The following PABPC5 variants were observed in gnomAD, a reference collection of about 807,000 sequenced individuals.
The protein encoded by PABPC5 is polyadenylate-binding protein 5.
A neutral mutation model predicts 12.6 loss-of-function variants in PABPC5; 6 were observed. That is an observed-to-expected ratio of 0.48 (90% CI 0.26 to 0.94). PABPC5 has a LOEUF of 0.94. Among genes scored for constraint, PABPC5 ranks in the 40% least tolerant of loss-of-function variants. PABPC5 has a pLI of 0.14. For missense variants in PABPC5, 244 were observed against 302.8 expected, an observed-to-expected ratio of 0.81 and a Z score of 1.44; for synonymous variants, 124 against 118.4, an observed-to-expected ratio of 1.05 and a Z score of -0.31.
chrX:91,435,566 G>C lies in PABPC5; in HGVS notation c.-12G>C, dbSNP rs1931583644. On this transcript the variant is annotated 5_prime_UTR_variant, in exon 2 of 2. Coordinates refer to ENST00000312600, the MANE Select transcript of PABPC5 (RefSeq NM_080832.3). ...TCTCTTCAAAGAGAACCTCCTCCCA[G>C]TGCTCAGAGAGATGGGGAGCGGGGA... 8 of 1,189,509 alleles carry C rather than the reference G, an allele frequency of 6.7e-6. No homozygotes were observed. The Middle Eastern group carries it at 7.1e-4, about 106-fold the overall frequency.
intron 1 of PABPC5, 91 bp downstream of exon 1, chrX:91,434,985 C>T: frequency 8.9e-6 from 1 of 112,262 alleles, no homozygotes; most frequent in Non-Finnish European, 1.9e-5. Context: ...CTATCCGCTG[C>T]CTGCAGCCTG....
intron 1 of PABPC5, among the ~76,000 whole-genome samples, 196 bp from the exon 2 acceptor site, chrX:91,435,239 T>G (rs1931577595): frequency 8.9e-6 from 1 of 111,985 alleles, no homozygotes; most frequent in African/African-American, 3.3e-5. Context: ...AGCCAGCTGC[T>G]TGGTGGCTTC....
At position 91,436,120 on chromosome X, in the gene PABPC5, A is replaced by T; in HGVS notation, c.543A>T (p.Lys181Asn). ...NNRQVYVGRFKFPEERAAEVR... is the reference protein window; with the variant it reads ...NNRQVYVGRFNFPEERAAEVR... ...GCCAGGTGTATGTTGGCAGATTCAAATTCCCAGAAGAGCGGGCGGCTGAGG... is the reference window on the plus strand; with the variant it reads ...GCCAGGTGTATGTTGGCAGATTCAATTTCCCAGAAGAGCGGGCGGCTGAGG... The change falls in exon 2 of 2, where the codon AAA (lysine) becomes AAT (asparagine). Residue 181 changes from lysine to asparagine, a missense_variant. By Grantham distance (94) the Lys-to-Asn change is moderately conservative (BLOSUM62 0). Coordinates refer to ENST00000312600, the MANE Select transcript of PABPC5 (RefSeq NM_080832.3). The T allele has an allele frequency of 1.7e-6, 2 of 1,211,933 alleles. No individual in the cohort carries two copies. The highest frequency in any genetic ancestry group is 2.2e-6 in the Non-Finnish European group (2 of 895,606).
chrX:91,436,469 CG>C lies in PABPC5; in HGVS notation c.894del (p.Pro300GlnfsTer19). ...FERLRLKEKS[R>X]PPGVPIYIKN... is the part of the protein sequence containing the mutation. ...ACGGCTGAGGTTAAAAGAAAAAAGT[CG>C]GCCCCCAGGGGTGCCTATCTATATT... On this transcript the variant is annotated frameshift_variant, in exon 2 of 2. Coordinates refer to ENST00000312600, the MANE Select transcript of PABPC5 (RefSeq NM_080832.3). LOFTEE classifies it high-confidence loss of function. The C allele has an allele frequency of 1.7e-6, 2 of 1,211,589 alleles. No homozygotes were observed. The highest frequency in any genetic ancestry group is 2.2e-5 in the Admixed American group (1 of 46,033).
At position 91,435,943 on chromosome X, in the gene PABPC5, G is replaced by A; in HGVS notation, c.366G>A (p.Leu122=). 2.5e-6 allele frequency: 3 copies of A among 1,211,653 alleles called. No homozygotes were observed. The highest frequency in any genetic ancestry group is 3.4e-6 in the Non-Finnish European group (3 of 895,365). The change falls in exon 2 of 2, where the codon CTG becomes CTA. Residue 122 remains leucine (L), a synonymous_variant. Coordinates refer to ENST00000312600, the MANE Select transcript of PABPC5 (RefSeq NM_080832.3). ...NLDKSIDNRA[L]FYLFSAFGNI... is the part of the protein sequence containing the mutation. ...ACAAATCCATAGACAATAGGGCCCTGTTTTACTTATTTTCTGCTTTTGGGA... is the reference window on the plus strand; with the variant it reads ...ACAAATCCATAGACAATAGGGCCCTATTTTACTTATTTTCTGCTTTTGGGA...
Position 91,436,215 on chromosome X carries a change from A to C in PABPC5, c.638A>C (p.Glu213Ala). ...VKNIGDDIDD[E>A]KLKELFCEYG... ...AACATTGGAGACGACATAGATGACG[A>C]AAAACTGAAGGAACTTTTCTGTGAA... The change falls in exon 2 of 2, where the codon GAA becomes GCA. Residue 213 changes from glutamate to alanine, a missense_variant. Transcript: ENST00000312600. 1 of 1,211,901 alleles carries C rather than the reference A, an allele frequency of 8.3e-7. No individual in the cohort carries two copies. The highest frequency in any genetic ancestry group is 3.0e-5 in the East Asian group (1 of 33,835).
chrX:91,436,124 C>G lies in PABPC5; in HGVS notation c.547C>G (p.Pro183Ala). 1.7e-6 allele frequency: 2 copies of G among 1,211,557 alleles called. No homozygotes were observed. The highest frequency in any genetic ancestry group is 2.2e-6 in the Non-Finnish European group (2 of 895,505). The stretch of plus-strand genomic sequence containing the variant: ...GGTGTATGTTGGCAGATTCAAATTC[C>G]CAGAAGAGCGGGCGGCTGAGGTCAG... ...RQVYVGRFKF[P>A]EERAAEVRTR... The change falls in exon 2 of 2, where the codon CCA (proline) becomes GCA (alanine). Residue 183 changes from proline to alanine, a missense_variant. Coordinates refer to ENST00000312600, the MANE Select transcript of PABPC5 (RefSeq NM_080832.3).
At position 91,438,475 on chromosome X, in the gene PABPC5, CACAA is replaced by C. The variant is rs1931636891; in HGVS notation, c.*1753_*1756del. On this transcript the variant is annotated 3_prime_UTR_variant, in exon 2 of 2. Transcript: ENST00000312600. ...CTTTTCATAATTTTTCCTACGTATA[CACAA>C]ACATTTTGACCAAAAATCCACACTA... The C allele has an allele frequency of 8.2e-6, 1 of 122,539 alleles. No homozygotes were observed. Among genetic ancestry groups the C allele is most frequent in the African/African-American group, 3.2e-5 (1 of 30,770 alleles). The allele number at this position is 122,539 out of a possible 1,213,427, so 10.1% of individuals were successfully genotyped here. A position where few individuals can be genotyped will look rare whatever the true frequency, so the allele number is the denominator to read the frequency against.
chrX:91,435,502 C>A lies in PABPC5; in HGVS notation c.-76C>A. 1.0e-6 allele frequency: 1 copy of A among 983,415 alleles called. No homozygotes were observed. The highest frequency in any genetic ancestry group is 1.4e-6 in the Non-Finnish European group (1 of 726,468). 81.0% of individuals were successfully genotyped at this position (983,415 alleles called of 1,213,427 possible). ...TGCCTTGGCTTTTTCTGTTCGTGAACAGCTGTTTGGCCCATAGCTTAGAGA... is the reference window on the plus strand; with the variant it reads ...TGCCTTGGCTTTTTCTGTTCGTGAAAAGCTGTTTGGCCCATAGCTTAGAGA... On this transcript the variant is annotated 5_prime_UTR_variant, in exon 2 of 2. Transcript: ENST00000312600.
rs781301174 is a variant in PABPC5, at chrX:91,436,369, C to A, written c.792C>A (p.Ile264=). 1 of 1,211,339 alleles carries A rather than the reference C, an allele frequency of 8.3e-7. No homozygotes were observed. Among genetic ancestry groups the A allele is most frequent in the East Asian group, 3.0e-5 (1 of 33,820 alleles). The change falls in exon 2 of 2, where the codon ATC becomes ATA. Residue 264 remains isoleucine, a synonymous_variant. Coordinates refer to ENST00000312600, the MANE Select transcript of PABPC5 (RefSeq NM_080832.3). The part of the protein sequence containing the change: ...KAVLDLHGKS[I]DGKVLYVGRA... ...TGCTAGACTTGCATGGAAAGTCCAT[C>A]GATGGAAAAGTCCTCTATGTAGGGC...
At chrX:91,435,166 G>A (rs1399244275) in intron 1 of PABPC5, among the ~76,000 whole-genome samples, 1 of 111,625 alleles carries the variant, frequency 9.0e-6, no homozygotes, top group Non-Finnish European at 1.9e-5. Context: ...GGAGCTCTAG[G>A]CCTATATTTA....
At position 91,435,907 on chromosome X, in the gene PABPC5, C is replaced by A. The variant is rs1328719540; in HGVS notation, c.330C>A (p.Ile110=). 4.3e-5 allele frequency: 52 copies of A among 1,209,918 alleles called. No homozygotes were observed. The highest frequency in any genetic ancestry group is 5.4e-5 in the Non-Finnish European group (48 of 894,880). Residue 110 remains isoleucine, a synonymous_variant, in exon 2 of 2, where the codon ATC becomes ATA. Transcript: ENST00000312600. Reference sequence around the variant, plus strand: ...AGTCTGGAGTGGGAAATATATTCATCAAAAACCTGGACAAATCCATAGACA... The same window carrying A: ...AGTCTGGAGTGGGAAATATATTCATAAAAAACCTGGACAAATCCATAGACA... The part of the protein sequence containing the change: ...LRKSGVGNIF[I]KNLDKSIDNR...
rs1338807715 is a variant in PABPC5, at chrX:91,436,548, C to T, written c.971C>T (p.Ser324Phe). 2.6e-5 allele frequency: 32 copies of T among 1,211,888 alleles called. No individual in the cohort carries two copies. Among genetic ancestry groups the T allele is most frequent in the Non-Finnish European group, 3.5e-5 (31 of 895,561 alleles). ...GAAAAACTGAAGGAGGAATTTTCTT[C>T]CTTTGGGTCAATTAGTCGGGCCAAA... ...NDEKLKEEFS[S>F]FGSISRAKVM... The change falls in exon 2 of 2, where the codon TCC becomes TTC. Residue 324 changes from serine to phenylalanine, a missense_variant. Ser to Phe is a radical substitution (Grantham distance 155). This residue lies in a region of PABPC5 where 211 missense variants were observed against 261.5 expected (regional missense o/e 0.81). Transcript: ENST00000312600.
At position 91,435,784 on chromosome X, in the gene PABPC5, C is replaced by T; in HGVS notation, c.207C>T (p.Pro69=). The change falls in exon 2 of 2, where the codon CCC becomes CCT. Residue 69 remains proline, a synonymous_variant. Transcript: ENST00000312600. The stretch of plus-strand genomic sequence containing the variant: ...ATGGGTATGTTAACTTCCGCTTTCC[C>T]GCGGATGCAGAGTGGGCCTTGAACA... The part of the protein sequence containing the change: ...LGYGYVNFRF[P]ADAEWALNTM... The T allele has an allele frequency of 8.3e-7, 1 of 1,210,864 alleles. No homozygotes were observed. The highest frequency in any genetic ancestry group is 1.1e-6 in the Non-Finnish European group (1 of 895,039).
chrX:91,436,223 A>G lies in PABPC5; in HGVS notation c.646A>G (p.Lys216Glu). The change falls in exon 2 of 2, where the codon AAG (lysine) becomes GAG (glutamate). Residue 216 changes from lysine to glutamate, a missense_variant. Lys to Glu is a moderately conservative substitution (Grantham distance 56). Coordinates refer to ENST00000312600, the MANE Select transcript of PABPC5 (RefSeq NM_080832.3). ...IGDDIDDEKL[K>E]ELFCEYGPTE... ...AGACGACATAGATGACGAAAAACTG[A>G]AGGAACTTTTCTGTGAATATGGGCC... 1 of 1,211,779 alleles carries G rather than the reference A, an allele frequency of 8.3e-7. No individual in the cohort carries two copies. The highest frequency in any genetic ancestry group is 1.1e-6 in the Non-Finnish European group (1 of 895,534).
chrX:91,436,595 G>A lies in PABPC5; in HGVS notation c.1018G>A (p.Gly340Ser). Residue 340 changes from glycine (G) to serine (S), a missense_variant, in exon 2 of 2, where the codon GGC (glycine) becomes AGC (serine). Gly to Ser is a moderately conservative substitution (Grantham distance 56). This residue lies in a region of PABPC5 where 211 missense variants were observed against 261.5 expected (regional missense o/e 0.81). Coordinates refer to ENST00000312600, the MANE Select transcript of PABPC5 (RefSeq NM_080832.3). ...RAKVMMEVGQ[G>S]KGFGVVCFSS... is the part of the protein sequence containing the mutation. ...CAAAGTGATGATGGAAGTGGGGCAA[G>A]GCAAAGGATTTGGTGTGGTCTGCTT... is the stretch of plus-strand genomic sequence containing the variant. 1.7e-6 allele frequency: 2 copies of A among 1,212,067 alleles called. No individual in the cohort carries two copies. Among genetic ancestry groups the A allele is most frequent in the South Asian group, 3.5e-5 (2 of 57,026 alleles).
chrX:91,434,900 T>TA lies in PABPC5; in HGVS notation c.-144+7dup, dbSNP rs1315551931. 2.7e-5 allele frequency: 3 copies of TA among 111,752 alleles called. No homozygotes were observed. Among genetic ancestry groups the TA allele is most frequent in the Non-Finnish European group, 3.8e-5 (2 of 53,134 alleles). 9.2% of individuals were successfully genotyped at this position (111,752 alleles called of 1,213,427 possible). On this transcript the variant is annotated splice_region_variant and intron_variant, in intron 1 of 1. Coordinates refer to ENST00000312600, the MANE Select transcript of PABPC5 (RefSeq NM_080832.3). ...AAATCACCGCGCCTCACTCGGTCCG[T>TA]ACCCAGTGGGCATCTTGGGTATCTG...
rs1235163362 is a variant in PABPC5 at position 91,438,234 on chromosome X, T to A, written c.*1508T>A. 8.1e-6 allele frequency: 1 copy of A among 122,911 alleles called. No homozygotes were observed. The highest frequency in any genetic ancestry group is 1.9e-5 in the Non-Finnish European group (1 of 52,983). 10.1% of individuals were successfully genotyped at this position (122,911 alleles called of 1,213,427 possible). A position where few individuals can be genotyped will look rare whatever the true frequency, so the allele number is the denominator to read the frequency against. On this transcript the variant is annotated 3_prime_UTR_variant, in exon 2 of 2. Transcript: ENST00000312600. ...TTTGTTAACACTTTTGTTAGCTCTT[T>A]GACCATAAAATAATGACAATAAGCT...
In PABPC5 at chrX:91,436,015, T is replaced by C. The variant is rs1429856098; in HGVS notation, c.438T>C (p.Gly146=). The change falls in exon 2 of 2, where the codon GGT becomes GGC. Residue 146 remains glycine (G), a synonymous_variant. Coordinates refer to ENST00000312600, the MANE Select transcript of PABPC5 (RefSeq NM_080832.3). The part of the protein sequence containing the change: ...KVVCDDNGSK[G]YAYVHFDSLA... Reference sequence around the variant, plus strand: ...TATGCGATGACAACGGCTCTAAGGGTTATGCCTATGTTCACTTTGACAGCC... The same window carrying C: ...TATGCGATGACAACGGCTCTAAGGGCTATGCCTATGTTCACTTTGACAGCC... 5.8e-6 allele frequency: 7 copies of C among 1,211,662 alleles called. No individual in the cohort carries two copies. The South Asian group carries it at 1.1e-4, about 18-fold the overall frequency.
Sources: gnomAD v4.1 joint callset for allele counts (sites outside exome capture counted in the v4.1 genomes callset) on GRCh38, gnomAD v4.1.1 for gene constraint, gnomAD v4.1.1 regional missense constraint, MANE v1.5 for transcripts, NCBI Gene and HGNC (gene_info 2026-07-23, HGNC 2026-07-21) for gene names.